The following GALNTL6 variants were observed in gnomAD, a reference collection of about 807,000 sequenced individuals.
GALNTL6 encodes the protein polypeptide N-acetylgalactosaminyltransferase like 6, also known as polypeptide N-acetylgalactosaminyltransferase-like 6.
A neutral mutation model predicts 73.7 loss-of-function variants in GALNTL6; 46 were observed. That is an observed-to-expected ratio of 0.62 (90% confidence interval 0.49 to 0.80). The LOEUF (loss-of-function observed/expected upper bound fraction) is 0.80. Ranked by LOEUF, GALNTL6 falls within the 30% of genes least tolerant of loss-of-function variation. The pLI is 0.00. For synonymous variants in GALNTL6, 259 were observed against 263.7 expected, an observed-to-expected ratio of 0.98 and a Z score of 0.17; for missense variants, 604 against 755.0, an observed-to-expected ratio of 0.80 and a Z score of 2.34.
At chr4:171,858,308 T>C (rs1175705321) in intron 2 of GALNTL6, among the ~76,000 whole-genome samples, 4 of 152,144 alleles carry the variant, frequency 2.6e-5, no homozygotes, top group Non-Finnish European at 4.4e-5. Flanking sequence ...TGTTATCATA[T>C]AGTGTTAATT....
rs560550849 is a variant in GALNTL6 at position 172,552,349 on chromosome 4, C to G, written c.553+203660C>G. ...GTTTTGGTAGCTAAATCGGAAAGTT[C>G]TATAGCCCAAGATTCTTGTTATTAA... is the stretch of plus-strand genomic sequence containing the variant. On this transcript the variant is annotated intron_variant, in intron 5 of 12. Transcript: ENST00000506823. Among the ~76,000 whole-genome samples the G allele has an allele frequency of 3.3e-5, 5 of 152,148 alleles. No homozygotes were observed. In the South Asian group the frequency reaches 1.0e-3, roughly 32 times the overall value.
At chr4:172,539,998 T>C (rs996561627) in intron 5 of GALNTL6, among the ~76,000 whole-genome samples, 1 of 148,810 alleles carries the variant, frequency 6.7e-6, no homozygotes, top group Admixed American at 6.7e-5. Context: ...TTAGAAACTT[T>C]AGGTGACCTG....
intron 10 of GALNTL6, among the ~76,000 whole-genome samples, chr4:172,957,628 G>C (rs1212035981): frequency 2.0e-5 from 3 of 152,222 alleles, no homozygotes; most frequent in Non-Finnish European, 4.4e-5. Flanking sequence ...GCGGCTTTGA[G>C]AAGCGTTTTT....
At chr4:172,867,126 A>T (rs990921496) in intron 7 of GALNTL6, among the ~76,000 whole-genome samples, 2 of 152,202 alleles carry the variant, frequency 1.3e-5, no homozygotes, top group African/African-American at 4.8e-5. Context: ...CTTGACATTC[A>T]TTAATTTGTT....
chr4:172,199,193 T>G (rs1425963097), intron 2 of GALNTL6, among the ~76,000 whole-genome samples: 54 of 152,212 alleles, frequency 3.5e-4, no homozygotes, highest in Non-Finnish European at 4.4e-5. Flanking sequence ...AACAAATCTA[T>G]TTTCTTCTTG....
At chr4:172,794,386 T>C (rs1740154586) in intron 5 of GALNTL6, among the ~76,000 whole-genome samples, 1 of 152,204 alleles carries the variant, frequency 6.6e-6, no homozygotes, top group African/African-American at 2.4e-5. Flanking sequence ...CAATGCTAGT[T>C]TGTTGTCTTA....
At chr4:172,167,990 C>T (rs1331748980) in intron 2 of GALNTL6, among the ~76,000 whole-genome samples, 1 of 145,496 alleles carries the variant, frequency 6.9e-6, no homozygotes, top group East Asian at 2.0e-4. Flanking sequence ...AAAAAAGAAA[C>T]ATTTCTGAGG....
intron 2 of GALNTL6, among the ~76,000 whole-genome samples, chr4:172,167,783 C>A (rs1734675380): frequency 1.4e-5 from 2 of 140,780 alleles, no homozygotes; most frequent in Admixed American, 7.2e-5. Flanking sequence ...AAGGTGAAAC[C>A]CCGTCTCTAC....
chr4:172,824,410 T>A (rs1742124305), intron 7 of GALNTL6, among the ~76,000 whole-genome samples: 1 of 146,072 alleles, frequency 6.8e-6, no homozygotes, highest in African/African-American at 2.6e-5. Context: ...GTGTGTGTGT[T>A]CATGTGTGTG....
At chr4:173,031,485 C>A (rs75878374) in intron 12 of GALNTL6, among the ~76,000 whole-genome samples, 2,030 of 152,218 alleles carry the variant, frequency 0.013, 20 homozygotes, top group Non-Finnish European at 0.02. Context: ...TGCACTCTTT[C>A]CGGCATCTAA....
intron 5 of GALNTL6, among the ~76,000 whole-genome samples, chr4:172,783,258 G>A (rs1459538920): frequency 6.7e-6 from 1 of 150,200 alleles, no homozygotes; most frequent in African/African-American, 2.4e-5. Flanking sequence ...TATGTTCATG[G>A]ATTTGGAAGC....
chr4:173,006,553 T>C (rs1752303878), intron 10 of GALNTL6, among the ~76,000 whole-genome samples: 1 of 152,226 alleles, frequency 6.6e-6, no homozygotes, highest in Non-Finnish European at 1.5e-5. Context: ...AAACGTGTAT[T>C]TTAAGCTTGG....
intron 2 of GALNTL6, among the ~76,000 whole-genome samples, chr4:172,082,831 T>C (rs72698983): frequency 0.02 from 3,076 of 152,268 alleles, 38 homozygotes; most frequent in Non-Finnish European, 0.03. Context: ...GAGACATCTA[T>C]GAGCATTGGT....
At chr4:172,264,023 T>C (rs1256830546) in intron 3 of GALNTL6, among the ~76,000 whole-genome samples, 1 of 151,508 alleles carries the variant, frequency 6.6e-6, no homozygotes, top group Admixed American at 6.6e-5. Context: ...GTATTACTAA[T>C]ATCACTACAT....
chr4:171,965,098 G>T (rs1739348546), intron 2 of GALNTL6, among the ~76,000 whole-genome samples: 1 of 152,200 alleles, frequency 6.6e-6, no homozygotes, highest in Admixed American at 6.5e-5. Flanking sequence ...TTCTGCCTTA[G>T]AATGCAATCC....
chr4:172,036,227 G>T (rs573097545), intron 2 of GALNTL6, among the ~76,000 whole-genome samples: 1 of 151,994 alleles, frequency 6.6e-6, no homozygotes, highest in Non-Finnish European at 1.5e-5. Flanking sequence ...GAAAAAAAAT[G>T]CAGGCTATTT....
intron 2 of GALNTL6, among the ~76,000 whole-genome samples, chr4:171,982,509 A>G (rs545687270): frequency 2.0e-4 from 30 of 152,140 alleles, no homozygotes; most frequent in Middle Eastern, 3.4e-3. Context: ...TGTCTTAGCC[A>G]GGATGGTCTT....
At position 173,006,761 on chromosome 4, in the gene GALNTL6, G is replaced by C. The variant is rs1752315660; in HGVS notation, c.1372-2417G>C. Among the ~76,000 whole-genome samples the C allele has an allele frequency of 2.0e-5, 3 of 152,184 alleles. No homozygotes were observed. The South Asian group carries it at 6.2e-4, about 32-fold the overall frequency. On this transcript the variant is annotated intron_variant, in intron 10 of 12. Coordinates refer to ENST00000506823, the MANE Select transcript of GALNTL6 (RefSeq NM_001034845.3). ...CAGGGCAGGCATTTTCCCTAATTCA[G>C]GGTTCAAATCTGGAGTCGATGGGTT... is the stretch of plus-strand genomic sequence containing the variant.
At chr4:172,164,364 T>G (rs1315749862) in intron 2 of GALNTL6, among the ~76,000 whole-genome samples, 1 of 152,016 alleles carries the variant, frequency 6.6e-6, no homozygotes, top group Non-Finnish European at 1.5e-5. Flanking sequence ...TCAGATATAG[T>G]CATACTTAAG....
Sources: allele counts gnomAD v4.1 joint callset (sites outside exome capture counted in the v4.1 genomes callset), GRCh38; gene constraint gnomAD v4.1.1; transcripts MANE v1.5; gene names NCBI Gene and HGNC (gene_info 2026-07-23, HGNC 2026-07-21).